The following SAMD12 variants were observed in gnomAD, a reference collection of about 807,000 sequenced individuals.
SAMD12 encodes sterile alpha motif domain-containing protein 12.
SAMD12 carries 9 observed loss-of-function variants against 15.0 expected under a neutral mutation model. That is an observed-to-expected ratio of 0.60 (90% CI 0.36 to 1.05). The LOEUF (loss-of-function observed/expected upper bound fraction) is 1.05. Ranked by LOEUF, SAMD12 falls within the 50% of genes least tolerant of loss-of-function variation. SAMD12 has a pLI of 0.01. For missense variants in SAMD12, 230 were observed against 234.2 expected, an observed-to-expected ratio of 0.98 and a Z score of 0.12; for synonymous variants, 86 against 90.1, an observed-to-expected ratio of 0.96 and a Z score of 0.25.
intron 2 of SAMD12, among the ~76,000 whole-genome samples, chr8:118,497,727 G>A (rs1173064582): frequency 8.5e-6 from 1 of 117,594 alleles, no homozygotes; most frequent in Non-Finnish European, 1.7e-5. Context: ...AAGTTGCGGG[G>A]GGGGGTGGGG....
chr8:118,239,348 C>A (rs2450218), intron 4 of SAMD12, among the ~76,000 whole-genome samples: 1 of 151,846 alleles, frequency 6.6e-6, no homozygotes, highest in Non-Finnish European at 1.5e-5. Flanking sequence ...ATCTAATGAA[C>A]GATAAGATTT....
At chr8:118,154,169 C>A in the SAMD12 span, among the ~76,000 whole-genome samples, 1 of 148,876 alleles carries the variant, frequency 6.7e-6, no homozygotes, top group Non-Finnish European at 1.5e-5. Flanking sequence ...CACATACACA[C>A]ACATACAATA....
chr8:118,467,353 G>T (rs1427559093), intron 2 of SAMD12, among the ~76,000 whole-genome samples: 1 of 152,138 alleles, frequency 6.6e-6, no homozygotes, highest in Non-Finnish European at 1.5e-5. Context: ...GATTGTTGAA[G>T]AACTAAGTGA....
chr8:118,195,052 G>T lies in SAMD12; in HGVS notation c.*2658C>A, dbSNP rs199724298. The T allele has an allele frequency of 2.0e-5, 3 of 152,174 alleles. No homozygotes were observed. In the East Asian group the frequency reaches 5.8e-4, roughly 29 times the overall value. The allele number at this position is 152,174 out of a possible 1,614,324, so 9.4% of individuals were successfully genotyped here. On this transcript the variant is annotated 3_prime_UTR_variant, in exon 5 of 5. Coordinates refer to the SAMD12 transcript ENST00000409003. ...GGGGCTCTTTAATGGTCTTCATTTT[G>T]CCTTCTCCTAGGTCCCTCTTCACCC...
At chr8:118,362,239 A>C (rs1019147572) in intron 4 of SAMD12, among the ~76,000 whole-genome samples, 1 of 152,232 alleles carries the variant, frequency 6.6e-6, no homozygotes, top group Non-Finnish European at 1.5e-5. Context: ...ATGCTTTAAT[A>C]CATGTCAAAT....
rs573893748 is a variant in SAMD12 at position 118,436,610 on chromosome 8, A to G, written c.322+3222T>C. Among the ~76,000 whole-genome samples the G allele has an allele frequency of 6.8e-4, 103 of 152,350 alleles. No homozygotes were observed. The Middle Eastern group carries it at 0.024, about 35-fold the overall frequency. On this transcript the variant is annotated intron_variant, in intron 3 of 3. Transcript: ENST00000314727. The stretch of plus-strand genomic sequence containing the variant: ...CTTGCTTTAAGAAAAATAAAAGAAC[A>G]GCAGCACTCAGGAGAATCTAAGCAT...
chr8:118,404,537 A>G (rs1037573238), intron 3 of SAMD12, among the ~76,000 whole-genome samples: 10 of 152,230 alleles, frequency 6.6e-5, no homozygotes, highest in African/African-American at 2.2e-4. Flanking sequence ...TGCAGTCATC[A>G]TAGATTGAAC....
chr8:118,467,767 C>A (rs1048411664), intron 2 of SAMD12, among the ~76,000 whole-genome samples: 2 of 152,088 alleles, frequency 1.3e-5, no homozygotes, highest in African/African-American at 4.8e-5. Flanking sequence ...GACAAAAATG[C>A]GGAGTAGATG....
At chr8:118,534,811 T>C (rs927112528) in intron 2 of SAMD12, among the ~76,000 whole-genome samples, 5 of 152,236 alleles carry the variant, frequency 3.3e-5, no homozygotes, top group African/African-American at 2.4e-5. Flanking sequence ...TTTAAGCTCT[T>C]CTCTATGCCG....
chr8:118,140,755 C>A, the SAMD12 span, among the ~76,000 whole-genome samples: 1 of 152,082 alleles, frequency 6.6e-6, no homozygotes, highest in Non-Finnish European at 1.5e-5. Context: ...TTAATTCTGG[C>A]CAATTAGTGA....
chr8:118,314,205 C>A (rs1434960146), intron 4 of SAMD12, among the ~76,000 whole-genome samples: 1 of 151,982 alleles, frequency 6.6e-6, no homozygotes, highest in Admixed American at 6.6e-5. Flanking sequence ...AATGGAAATA[C>A]CATTTGTTAA....
intron 1 of SAMD12, 57 bp from the exon 2 acceptor site, chr8:118,580,950 T>A (rs907528262): frequency 1.5e-6 from 2 of 1,374,902 alleles, no homozygotes; most frequent in East Asian, 2.4e-5. Context: ...AAGGTGTCCA[T>A]GACAGAAAAT....
intron 4 of SAMD12, among the ~76,000 whole-genome samples, chr8:118,243,367 G>T (rs912767566): frequency 6.6e-6 from 1 of 151,856 alleles, no homozygotes; most frequent in Non-Finnish European, 1.5e-5. Context: ...TGAAAGAGCC[G>T]AAAAAATGGT....
At chr8:118,514,241 A>G (rs1210205657) in intron 2 of SAMD12, among the ~76,000 whole-genome samples, 1 of 152,206 alleles carries the variant, frequency 6.6e-6, no homozygotes, top group African/African-American at 2.4e-5. Flanking sequence ...AGGGACCACA[A>G]TAGAAATTTT....
chr8:118,464,720 CTCT>C (rs1269703939), intron 2 of SAMD12, among the ~76,000 whole-genome samples: 1 of 151,800 alleles, frequency 6.6e-6, no homozygotes, highest in Non-Finnish European at 1.5e-5. Context: ...TAAAATTCAA[CTCT>C]TTTTTTTTTA....
intron 4 of SAMD12, among the ~76,000 whole-genome samples, chr8:118,346,183 A>G (rs1817640113): frequency 6.6e-6 from 1 of 152,208 alleles, no homozygotes; most frequent in Non-Finnish European, 1.5e-5. Context: ...TTATAAAACT[A>G]TATAAATTAT....
intron 3 of SAMD12, among the ~76,000 whole-genome samples, chr8:118,399,476 C>T (rs1294328330): frequency 6.6e-6 from 1 of 152,134 alleles, no homozygotes; most frequent in South Asian, 2.1e-4. Flanking sequence ...TCATGTCTCT[C>T]TTCCTGTGAG....
intron 4 of SAMD12, among the ~76,000 whole-genome samples, chr8:118,237,942 C>G (rs1405020835): frequency 1.3e-5 from 2 of 151,974 alleles, no homozygotes; most frequent in African/African-American, 4.8e-5. Context: ...GTCTCCATAC[C>G]ACCTTCTCTA....
chr8:118,480,184 GC>G (rs1457340973), intron 2 of SAMD12, among the ~76,000 whole-genome samples: 3 of 152,200 alleles, frequency 2.0e-5, no homozygotes, highest in African/African-American at 7.2e-5. Flanking sequence ...CCTGTGGAAA[GC>G]GGCAGCATCA....
Sources: allele counts gnomAD v4.1 joint callset (sites outside exome capture counted in the v4.1 genomes callset), GRCh38; gene constraint gnomAD v4.1.1; transcripts MANE v1.5; gene names NCBI Gene and HGNC (gene_info 2026-07-23, HGNC 2026-07-21).